The following FBN2 variants were observed in gnomAD, a reference collection of about 807,000 sequenced individuals.
FBN2 encodes fibrillin 2, also known as fibrillin-2.
A neutral mutation model predicts 355.6 loss-of-function variants in FBN2; 105 were observed. The observed-to-expected ratio is 0.30, with a 90% CI of 0.25 to 0.35. The LOEUF is 0.35. Among genes scored for constraint, FBN2 ranks in the 10% least tolerant of loss-of-function variants. The pLI is 1.00. For synonymous variants in FBN2, 1,350 were observed against 1,301.2 expected, an observed-to-expected ratio of 1.04 and a Z score of -0.81; for missense variants, 3,280 against 3,758.7, an observed-to-expected ratio of 0.87 and a Z score of 3.33.
At chr5:128,290,057 A>G (rs1287148116) in intron 50 of FBN2, 110 bp from the exon 51 acceptor site, 1 of 729,084 alleles carries the variant, frequency 1.4e-6, no homozygotes, top group East Asian at 2.7e-5. Context: ...TTTCCATTAC[A>G]AAGCTGTCTA....
At chr5:128,284,441 C>G (rs187808336) in intron 55 of FBN2, among the ~76,000 whole-genome samples, 3 of 152,304 alleles carry the variant, frequency 2.0e-5, no homozygotes, top group Admixed American at 2.0e-4. Context: ...TATTTGCCTA[C>G]CTTTAGACCC....
chr5:128,395,127 C>A lies in FBN2; in HGVS notation c.1226G>T (p.Gly409Val), dbSNP rs1259151520. 1 of 1,614,016 alleles carries A rather than the reference C, an allele frequency of 6.2e-7. No homozygotes were observed. The highest frequency in any genetic ancestry group is 2.2e-5 in the East Asian group (1 of 44,878). ...ACTAACAGCCAGCCACGTACCAGAA[C>A]CTCTGACAGGACAGGCTTCAGGAAT... ...GTIPEACPVR[G>V]SEEYRRLCMD... The change falls in exon 9 of 65, where the codon GGT (glycine) becomes GTT (valine). Residue 409 changes from glycine to valine, a missense_variant. Around this residue, in one of 6 missense-constraint regions of FBN2, gnomAD observed 343 missense variants for 331.0 expected, o/e 1.04. Transcript: ENST00000262464.
chr5:128,275,709 A>T (rs1170775540), intron 59 of FBN2, among the ~76,000 whole-genome samples: 6 of 152,170 alleles, frequency 3.9e-5, no homozygotes, highest in Admixed American at 3.9e-4. Context: ...GCTTAGAGAA[A>T]TAAAAGCTTA....
chr5:128,532,419 G>A (rs896806881), intron 2 of FBN2, among the ~76,000 whole-genome samples: 4 of 152,124 alleles, frequency 2.6e-5, no homozygotes, highest in Admixed American at 1.3e-4. Context: ...AAGTACCTTC[G>A]AATGGGAAGT....
chr5:128,439,519 T>C (rs1381118510), intron 7 of FBN2, among the ~76,000 whole-genome samples: 1 of 152,152 alleles, frequency 6.6e-6, no homozygotes, highest in Admixed American at 6.5e-5. Flanking sequence ...TAAATATGTT[T>C]TTGCGAGTCA....
At chr5:128,416,392 G>A (rs571404213) in intron 7 of FBN2, among the ~76,000 whole-genome samples, 13 of 152,106 alleles carry the variant, frequency 8.5e-5, no homozygotes, top group South Asian at 2.1e-4. Context: ...TATTTCCTTC[G>A]CTGTTCAGAA....
At chr5:128,282,336 G>GT (rs1056994726) in intron 55 of FBN2, among the ~76,000 whole-genome samples, 1 of 151,944 alleles carries the variant, frequency 6.6e-6, no homozygotes, top group Admixed American at 6.6e-5. Flanking sequence ...GAATTAAAAA[G>GT]TTTTTTTAGT....
chr5:128,384,989 C>T (rs1375686871), intron 11 of FBN2, among the ~76,000 whole-genome samples: 1 of 152,064 alleles, frequency 6.6e-6, no homozygotes, highest in East Asian at 1.9e-4. Flanking sequence ...GGTTCTTTGG[C>T]TATCCCTCAA....
At chr5:128,443,342 A>G (rs1467287568) in intron 7 of FBN2, among the ~76,000 whole-genome samples, 1 of 152,186 alleles carries the variant, frequency 6.6e-6, no homozygotes, top group African/African-American at 2.4e-5. Flanking sequence ...CTGGACCCAC[A>G]TTTTACCTTC....
At chr5:128,344,770 G>C (rs1561781429) in intron 24 of FBN2, among the ~76,000 whole-genome samples, 1 of 147,984 alleles carries the variant, frequency 6.8e-6, no homozygotes, top group Non-Finnish European at 1.5e-5. Flanking sequence ...GCACAATCTT[G>C]GCTCACTGCA....
rs534411718 is a variant in FBN2 at position 128,302,598 on chromosome 5, C to A, written c.5917+375G>T. 6.7e-4 allele frequency among the ~76,000 whole-genome samples: 102 copies of A among 152,256 alleles called. 2 individuals carry two copies. Among genetic ancestry groups the A allele is most frequent in the Middle Eastern group, 3.4e-3 (1 of 294 alleles). On this transcript the variant is annotated intron_variant, in intron 46 of 64. Coordinates refer to ENST00000262464, the MANE Select transcript of FBN2 (RefSeq NM_001999.4). ...CTACTGGTACTTGAATGTAAATAAT[C>A]CAGAATGGATTTAAATGAAATACTT...
intron 5 of FBN2, among the ~76,000 whole-genome samples, chr5:128,488,086 C>A (rs1002133552): frequency 6.6e-5 from 10 of 152,122 alleles, no homozygotes; most frequent in African/African-American, 2.4e-4. Flanking sequence ...TTCCTACTGG[C>A]AATTTAATAA....
chr5:128,390,491 A>T (rs1752483156), intron 11 of FBN2, among the ~76,000 whole-genome samples: 1 of 152,234 alleles, frequency 6.6e-6, no homozygotes, highest in African/African-American at 2.4e-5. Context: ...ATGAACTCAC[A>T]GGGTATTTGA....
chr5:128,272,317 A>G (rs1765288284), intron 61 of FBN2, among the ~76,000 whole-genome samples, 199 bp from the exon 62 acceptor site: 1 of 151,970 alleles, frequency 6.6e-6, no homozygotes, highest in Non-Finnish European at 1.5e-5. Context: ...GAGATAAGAG[A>G]CCAGCTCATT....
intron 34 of FBN2, among the ~76,000 whole-genome samples, chr5:128,319,933 A>G (rs1434774893): frequency 1.3e-5 from 2 of 152,242 alleles, no homozygotes; most frequent in Non-Finnish European, 2.9e-5. Flanking sequence ...GCTAGACTAG[A>G]CAAATCATTC....
intron 49 of FBN2, among the ~76,000 whole-genome samples, chr5:128,291,272 C>T (rs922315966): frequency 6.6e-6 from 1 of 152,026 alleles, no homozygotes; most frequent in Admixed American, 6.6e-5. Context: ...ACAAAATTAA[C>T]ATAGTCATTC....
intron 12 of FBN2, among the ~76,000 whole-genome samples, chr5:128,378,217 C>G (rs920727633): frequency 1.3e-5 from 2 of 151,962 alleles, no homozygotes; most frequent in African/African-American, 4.8e-5. Flanking sequence ...TGTAAAGTAA[C>G]TACAGAATTT....
intron 5 of FBN2, among the ~76,000 whole-genome samples, chr5:128,493,504 A>G (rs1417138100): frequency 6.6e-6 from 1 of 152,196 alleles, no homozygotes; most frequent in Non-Finnish European, 1.5e-5. Context: ...CCCATAATGC[A>G]TATTATCCTC....
At chr5:128,438,261 G>T (rs1362262799) in intron 7 of FBN2, among the ~76,000 whole-genome samples, 2 of 152,236 alleles carry the variant, frequency 1.3e-5, no homozygotes, top group African/African-American at 4.8e-5. Context: ...CCAAAGTGCT[G>T]GGATTACATG....
Sources: gnomAD v4.1 joint callset for allele counts (sites outside exome capture counted in the v4.1 genomes callset) on GRCh38, gnomAD v4.1.1 for gene constraint, gnomAD v4.1.1 regional missense constraint, MANE v1.5 for transcripts, NCBI Gene and HGNC (gene_info 2026-07-23, HGNC 2026-07-21) for gene names.